Variants in DHX29 observed in about 807,000 individuals in gnomAD.
DHX29 encodes DExH-box helicase 29, also known as ATP-dependent RNA helicase DHX29.
In DHX29, 79 loss-of-function variants were observed where a neutral mutation model predicts 167.9. That is an observed-to-expected ratio of 0.47 (90% CI 0.39 to 0.57). The LOEUF is 0.57. DHX29 is among the 20% of genes least tolerant of loss of function. The probability of loss-of-function intolerance (pLI) is 0.00; values close to 1 mark genes in which losing one functional copy is unlikely to be tolerated. For missense variants in DHX29, 1,347 were observed against 1,593.4 expected (o/e 0.85, Z 2.63); for synonymous variants, 530 against 546.0 (o/e 0.97, Z 0.41).
intron 23 of DHX29, among the ~76,000 whole-genome samples, chr5:55,264,835 T>C (rs1376417375): frequency 6.6e-6 from 1 of 152,222 alleles, no homozygotes; most frequent in African/African-American, 2.4e-5. Flanking sequence ...CCTAATTTTC[T>C]TGTATAGACT....
rs1476361786 is a variant in DHX29, at chr5:55,270,728, G to T, written c.2865-22C>A. ...GTACCTAAAGAAATGTTTTAGGAGA[G>T]AATATGTAGATAATTGACTTAAGTC... On this transcript the variant is annotated intron_variant, in intron 18 of 26. Coordinates refer to ENST00000251636, the MANE Select transcript of DHX29 (RefSeq NM_019030.4). 2.6e-5 allele frequency: 42 copies of T among 1,589,410 alleles called. 1 individual carries two copies. Among genetic ancestry groups the T allele is most frequent in the Non-Finnish European group, 3.6e-5 (42 of 1,159,968 alleles).
rs922152961 is a variant in DHX29, at chr5:55,276,132, C to A, written c.2427+134G>T. On this transcript the variant is annotated intron_variant, in intron 14 of 26. Transcript: ENST00000251636. Reference sequence around the variant, plus strand: ...AAAGAAATGACCTTTAAAATTTGTTCATTCTCAGATCTGTTCCTCATCTAT... The same window carrying A: ...AAAGAAATGACCTTTAAAATTTGTTAATTCTCAGATCTGTTCCTCATCTAT... 6 of 699,334 alleles carry A rather than the reference C, an allele frequency of 8.6e-6. No individual in the cohort carries two copies. In the East Asian group the frequency reaches 1.8e-4, roughly 21 times the overall value. The allele number at this position is 699,334 out of a possible 1,614,324, so 43.3% of individuals were successfully genotyped here.
chr5:55,289,119 T>C (rs1427441026), intron 8 of DHX29, 151 bp downstream of exon 8: 2 of 836,160 alleles, frequency 2.4e-6, no homozygotes, highest in African/African-American at 3.6e-5. Flanking sequence ...ATCATAATTG[T>C]TAATACTTTT....
At chr5:55,295,739 T>A (rs570596005) in intron 4 of DHX29, among the ~76,000 whole-genome samples, 14 of 152,304 alleles carry the variant, frequency 9.2e-5, no homozygotes, top group Non-Finnish European at 1.8e-4. Context: ...AGCCCTCTTG[T>A]ATTTGGCCAT....
chr5:55,294,470 AG>A (rs1247133882), intron 5 of DHX29, among the ~76,000 whole-genome samples: 6 of 152,302 alleles, frequency 3.9e-5, no homozygotes, highest in African/African-American at 1.4e-4. Context: ...GTCAGGAGAT[AG>A]AGACTATCCT....
intron 20 of DHX29, 139 bp from the exon 21 acceptor site, chr5:55,269,776 A>AT (rs950186328): frequency 3.1e-5 from 20 of 652,638 alleles, no homozygotes; most frequent in Admixed American, 8.4e-5. Context: ...CTATCCTGTT[A>AT]TTTTTTTTAT....
At position 55,296,337 on chromosome 5, in the gene DHX29, C is replaced by T; in HGVS notation, c.388G>A (p.Ala130Thr). Residue 130 changes from alanine to threonine, a missense_variant, in exon 4 of 27, where the codon GCT becomes ACT. This residue lies in a region of DHX29 where 405 missense variants were observed against 416.8 expected (regional missense o/e 0.97). Coordinates refer to ENST00000251636, the MANE Select transcript of DHX29 (RefSeq NM_019030.4). ...GTCTTAAATGAAAATGCTTGTAAAG[C>T]CATGTATAAATCCTATGACAAGCAA... is the stretch of plus-strand genomic sequence containing the variant. Reference protein sequence around the residue: ...TAKKLQDLYMALQAFSFKTKD... With the variant: ...TAKKLQDLYMTLQAFSFKTKD... 1 of 1,612,494 alleles carries T rather than the reference C, an allele frequency of 6.2e-7. No homozygotes were observed. Among genetic ancestry groups the T allele is most frequent in the Non-Finnish European group, 8.5e-7 (1 of 1,179,280 alleles).
chr5:55,270,454 T>G lies in DHX29; in HGVS notation c.3027A>C (p.Glu1009Asp). 1 of 1,612,944 alleles carries G rather than the reference T, an allele frequency of 6.2e-7. No homozygotes were observed. The highest frequency in any genetic ancestry group is 8.5e-7 in the Non-Finnish European group (1 of 1,179,684). Residue 1009 changes from glutamate (E) to aspartate (D), a missense_variant, in exon 20 of 27, where the codon GAA (glutamate) becomes GAC (aspartate). This residue lies in a region of DHX29 where 882 missense variants were observed against 1,082.4 expected (regional missense o/e 0.81). Transcript: ENST00000251636. The stretch of plus-strand genomic sequence containing the variant: ...ATTCCTCCAAAGGTACACGTAAGAT[T>G]TCAGGAACAGAATAATCCATAAAGC... ...FEGFMDYSVP[E>D]ILRVPLEELC... is the part of the protein sequence containing the mutation.
chr5:55,271,975 A>G (rs1746872594), intron 18 of DHX29, 112 bp downstream of exon 18: 1 of 625,560 alleles, frequency 1.6e-6, no homozygotes, highest in South Asian at 2.2e-5. Flanking sequence ...TTTGGACAGA[A>G]CTAGGACATT....
intron 15 of DHX29, 22 bp from the exon 16 acceptor site, chr5:55,274,753 A>G (rs1381386123): frequency 1.3e-6 from 2 of 1,568,346 alleles, no homozygotes; most frequent in Admixed American, 4.0e-5. Context: ...AAAAAGATAC[A>G]ATATTCAAAA....
At chr5:55,273,188 T>C (rs1746937262) in intron 17 of DHX29, 105 bp downstream of exon 17, 2 of 1,233,382 alleles carry the variant, frequency 1.6e-6, no homozygotes, top group African/African-American at 1.5e-5. Flanking sequence ...CAATGCGCTA[T>C]AAGGCACTTA....
intron 8 of DHX29, 76 bp from the exon 9 acceptor site, chr5:55,285,937 C>T: frequency 8.4e-7 from 1 of 1,187,020 alleles, no homozygotes; most frequent in Non-Finnish European, 1.2e-6. Context: ...TCCTCTCTTG[C>T]TTTGGAGAAC....
At chr5:55,269,332 A>C in intron 21 of DHX29, 81 bp downstream of exon 21, 1 of 1,389,274 alleles carries the variant, frequency 7.2e-7, no homozygotes, top group South Asian at 1.3e-5. Flanking sequence ...AAAAATTTTT[A>C]CTTAACAATT....
chr5:55,291,092 C>G (rs555919726), intron 6 of DHX29, among the ~76,000 whole-genome samples: 3 of 152,192 alleles, frequency 2.0e-5, no homozygotes, highest in Non-Finnish European at 4.4e-5. Context: ...TGAAAGTTAA[C>G]TTCACATATC....
At chr5:55,269,316 A>C in intron 21 of DHX29, 97 bp downstream of exon 21, 1 of 1,138,674 alleles carries the variant, frequency 8.8e-7, no homozygotes, top group Non-Finnish European at 1.3e-6. Context: ...CATTCTATTT[A>C]GTTAAAAAAA....
chr5:55,261,234 A>G (rs936329892), intron 25 of DHX29, 134 bp downstream of exon 25: 6 of 467,854 alleles, frequency 1.3e-5, no homozygotes, highest in Non-Finnish European at 1.9e-5. Flanking sequence ...CAGAGGCAAG[A>G]TAAAATAAGG....
At chr5:55,268,762 T>C (rs1746705776) in intron 21 of DHX29, among the ~76,000 whole-genome samples, 1 of 152,134 alleles carries the variant, frequency 6.6e-6, no homozygotes, top group Admixed American at 6.5e-5. Flanking sequence ...AATTCTGACA[T>C]AATTTGAGAA....
At position 55,307,395 on chromosome 5, in the gene DHX29, A is replaced by T; in HGVS notation, c.179T>A (p.Val60Asp). 1 of 1,612,914 alleles carries T rather than the reference A, an allele frequency of 6.2e-7. No individual in the cohort carries two copies. Among genetic ancestry groups the T allele is most frequent in the Non-Finnish European group, 8.5e-7 (1 of 1,179,604 alleles). ...TGGGGGACCTCTCGTACCTTGCTTG[A>T]CACGGGGCTCCCTGGAGCCGGCAGC... ...AAAAGSREPRVKQGPKIYSFN... is the reference protein window; with the variant it reads ...AAAAGSREPRDKQGPKIYSFN... The change falls in exon 1 of 27, where the codon GTC becomes GAC. Residue 60 changes from valine (V) to aspartate (D), a missense_variant. Val to Asp is a radical substitution (Grantham distance 152). Transcript: ENST00000251636.
chr5:55,296,903 T>C (rs1748354376), intron 3 of DHX29, among the ~76,000 whole-genome samples: 1 of 152,184 alleles, frequency 6.6e-6, no homozygotes, highest in Non-Finnish European at 1.5e-5. Context: ...CAGACCCTGT[T>C]TACTAGTAAC....
Sources: allele counts gnomAD v4.1 joint callset (sites outside exome capture counted in the v4.1 genomes callset), GRCh38; gene constraint gnomAD v4.1.1; regional missense constraint gnomAD v4.1.1; transcripts MANE v1.5; gene names NCBI Gene and HGNC (gene_info 2026-07-23, HGNC 2026-07-21).